Variants in PARN observed in about 807,000 individuals in gnomAD.
PARN encodes poly(A)-specific ribonuclease, also known as poly(A)-specific ribonuclease PARN.
In PARN, 71 loss-of-function variants were observed where a neutral mutation model predicts 102.8. That is an observed-to-expected ratio of 0.69 (90% CI 0.57 to 0.84). The LOEUF is 0.84. Ranked by LOEUF, PARN falls within the 40% of genes least tolerant of loss-of-function variation. PARN has a pLI of 0.00. For synonymous variants in PARN, 261 were observed against 252.9 expected, an observed-to-expected ratio of 1.03 and a Z score of -0.30; for missense variants, 782 against 760.9, an observed-to-expected ratio of 1.03 and a Z score of -0.33.
chr16:14,529,601 C>T (rs900294295), intron 21 of PARN, among the ~76,000 whole-genome samples: 2 of 152,090 alleles, frequency 1.3e-5, no homozygotes, highest in Admixed American at 1.3e-4. Context: ...CACATCCATC[C>T]CCCTGGCTGT....
At chr16:14,629,734 G>A (rs948805582) in intron 1 of PARN, 60 bp from the exon 2 acceptor site, 2 of 1,280,432 alleles carry the variant, frequency 1.6e-6, no homozygotes, top group African/African-American at 1.5e-5. Flanking sequence ...TAAGGGGAGA[G>A]GGAAGGAGGG....
chr16:14,626,643 G>A (rs1472279947), intron 5 of PARN, among the ~76,000 whole-genome samples: 2 of 146,848 alleles, frequency 1.4e-5, no homozygotes, highest in Non-Finnish European at 3.0e-5. Context: ...CCAGAGTCTC[G>A]CTCTGTTGCC....
chr16:14,576,952 T>G (rs536074099), intron 18 of PARN, among the ~76,000 whole-genome samples: 1 of 152,228 alleles, frequency 6.6e-6, no homozygotes, highest in African/African-American at 2.4e-5. Flanking sequence ...ATTTCCTCAA[T>G]AGTTGACTTG....
intron 21 of PARN, among the ~76,000 whole-genome samples, chr16:14,500,565 G>A (rs1290817697): frequency 6.6e-6 from 1 of 152,046 alleles, no homozygotes; most frequent in East Asian, 1.9e-4. Flanking sequence ...GCCTACACTT[G>A]TGGATTTTAT....
At chr16:14,469,735 A>G (rs1962605719) in intron 22 of PARN, among the ~76,000 whole-genome samples, 1 of 152,200 alleles carries the variant, frequency 6.6e-6, no homozygotes, top group African/African-American at 2.4e-5. Context: ...ACTACGAGGA[A>G]AATGTTAAGG....
At chr16:14,621,629 G>A (rs1972304951) in intron 5 of PARN, among the ~76,000 whole-genome samples, 1 of 151,776 alleles carries the variant, frequency 6.6e-6, no homozygotes, top group African/African-American at 2.4e-5. Context: ...GGCTAATACG[G>A]TGAAAACCCT....
chr16:14,578,101 G>A (rs1969260885), intron 18 of PARN, among the ~76,000 whole-genome samples: 1 of 151,622 alleles, frequency 6.6e-6, no homozygotes, highest in African/African-American at 2.4e-5. Context: ...GGCCAAGGCA[G>A]GTGGATCACC....
At chr16:14,444,612 A>T (rs1297904985) in intron 23 of PARN, among the ~76,000 whole-genome samples, 1 of 152,238 alleles carries the variant, frequency 6.6e-6, no homozygotes, top group Non-Finnish European at 1.5e-5. Flanking sequence ...AATAAACTAA[A>T]AAAATCCAGA....
intron 21 of PARN, among the ~76,000 whole-genome samples, chr16:14,529,651 T>C (rs1220068915): frequency 6.6e-6 from 1 of 152,156 alleles, no homozygotes; most frequent in Non-Finnish European, 1.5e-5. Context: ...CCAAATTTGA[T>C]GGCCAGCAAT....
intron 5 of PARN, among the ~76,000 whole-genome samples, chr16:14,622,609 A>G (rs1972382704): frequency 6.6e-6 from 1 of 152,202 alleles, no homozygotes; most frequent in South Asian, 2.1e-4. Context: ...GGTTCACACC[A>G]TTCTCCTGCC....
chr16:14,516,324 T>C (rs1965453844), intron 21 of PARN, among the ~76,000 whole-genome samples: 1 of 151,894 alleles, frequency 6.6e-6, no homozygotes, highest in African/African-American at 2.4e-5. Flanking sequence ...ACGCTGAAAA[T>C]TACAACTCAA....
chr16:14,467,325 C>T (rs1008510149), intron 22 of PARN, among the ~76,000 whole-genome samples: 2 of 152,160 alleles, frequency 1.3e-5, no homozygotes, highest in Non-Finnish European at 2.9e-5. Context: ...CAGCCCCCCT[C>T]AGAACAAGGA....
At chr16:14,553,893 G>A (rs1022286904) in intron 20 of PARN, among the ~76,000 whole-genome samples, 172 bp downstream of exon 20, 1 of 152,176 alleles carries the variant, frequency 6.6e-6, no homozygotes, top group Admixed American at 6.5e-5. Context: ...TTTCTCAGAT[G>A]ATATTAGCAC....
chr16:14,583,027 A>G (rs1969627027), intron 16 of PARN, among the ~76,000 whole-genome samples: 1 of 152,186 alleles, frequency 6.6e-6, no homozygotes, highest in Non-Finnish European at 1.5e-5. Flanking sequence ...TAGAGATCGA[A>G]AGGTGACAGC....
At chr16:14,608,529 A>G (rs555771776) in intron 8 of PARN, among the ~76,000 whole-genome samples, 13 of 152,300 alleles carry the variant, frequency 8.5e-5, no homozygotes, top group African/African-American at 2.9e-4. Flanking sequence ...TGCTGCTTTT[A>G]CTGAAGAGGT....
intron 6 of PARN, among the ~76,000 whole-genome samples, chr16:14,616,422 A>G (rs1375376748): frequency 1.3e-5 from 2 of 152,356 alleles, no homozygotes; most frequent in African/African-American, 4.8e-5. Flanking sequence ...CTCCCATAAG[A>G]AACTAAGAAA....
chr16:14,608,549 C>T (rs367882325), intron 8 of PARN, among the ~76,000 whole-genome samples: 23 of 152,120 alleles, frequency 1.5e-4, no homozygotes, highest in East Asian at 1.2e-3. Flanking sequence ...TAGAAGTTCT[C>T]GTCTAATCAA....
chr16:14,622,508 C>CAT (rs1291899063), intron 5 of PARN, among the ~76,000 whole-genome samples: 2 of 151,792 alleles, frequency 1.3e-5, no homozygotes, highest in Non-Finnish European at 1.5e-5. Flanking sequence ...ATTAGGATTC[C>CAT]ATATATATAT....
At chr16:14,579,553 G>C (rs1363470794) in intron 18 of PARN, among the ~76,000 whole-genome samples, 1 of 152,094 alleles carries the variant, frequency 6.6e-6, no homozygotes. Context: ...ATGGAAAAAA[G>C]AGCAAGACCG....
Sources: gnomAD v4.1 joint callset for allele counts (sites outside exome capture counted in the v4.1 genomes callset) on GRCh38, gnomAD v4.1.1 for gene constraint, MANE v1.5 for transcripts, NCBI Gene and HGNC (gene_info 2026-07-23, HGNC 2026-07-21) for gene names.